The following TSPAN19 variants were observed in gnomAD, a reference collection of about 807,000 sequenced individuals.
TSPAN19 encodes the protein tetraspanin-19.
Under a neutral mutation model 35.1 loss-of-function variants are expected in TSPAN19, and 44 were observed. That is an observed-to-expected ratio of 1.25 (90% CI 0.98 to 1.61). The LOEUF is 1.61. Among genes scored for constraint, TSPAN19 ranks in the 40% most tolerant of loss-of-function variants. The pLI is 0.00. For missense variants in TSPAN19, 290 were observed against 280.0 expected (o/e 1.04, Z -0.26); for synonymous variants, 79 against 92.0 (o/e 0.86, Z 0.81).
intron 1 of TSPAN19, among the ~76,000 whole-genome samples, chr12:85,031,646 C>A (rs149208305): frequency 6.6e-6 from 1 of 152,096 alleles, no homozygotes; most frequent in Non-Finnish European, 1.5e-5. Context: ...TCTAGAAAAT[C>A]ATGTTAGAAA....
chr12:85,035,152 G>A (rs991544546), intron 1 of TSPAN19: 3 of 152,028 alleles, frequency 2.0e-5, no homozygotes, highest in African/African-American at 7.2e-5. Flanking sequence ...CAGTGCTTTG[G>A]GAGGCCAAGG....
chr12:85,022,796 G>T (rs1877194619), intron 5 of TSPAN19, among the ~76,000 whole-genome samples: 1 of 152,036 alleles, frequency 6.6e-6, no homozygotes, highest in Non-Finnish European at 1.5e-5. Context: ...TTGATCAAAA[G>T]TTTTTTCAGG....
At chr12:85,026,189 T>C (rs1189123357) in intron 4 of TSPAN19, among the ~76,000 whole-genome samples, 1 of 152,110 alleles carries the variant, frequency 6.6e-6, no homozygotes, top group Non-Finnish European at 1.5e-5. Flanking sequence ...GCCCACTACA[T>C]TGTATAAGTA....
intron 4 of TSPAN19, 55 bp from the exon 5 acceptor site, chr12:85,023,455 T>C (rs544768551): frequency 1.4e-5 from 19 of 1,375,258 alleles, no homozygotes; most frequent in Admixed American, 1.0e-4. Flanking sequence ...ATGTTTTGTA[T>C]GCTCAAATAA....
chr12:85,031,685 T>C (rs1877691239), intron 1 of TSPAN19, among the ~76,000 whole-genome samples: 2 of 152,174 alleles, frequency 1.3e-5, no homozygotes, highest in Non-Finnish European at 2.9e-5. Flanking sequence ...CTGTTCAACA[T>C]GTGGCTTCCA....
In TSPAN19 at chr12:85,030,111, A is replaced by T. The variant is rs546109780; in HGVS notation, c.-27-138T>A. The T allele has an allele frequency of 9.7e-5, 67 of 689,162 alleles. No homozygotes were observed. The East Asian group carries it at 2.5e-3, about 26-fold the overall frequency. The allele number at this position is 689,162 out of a possible 1,614,324, so 42.7% of individuals were successfully genotyped here. A position where few individuals can be genotyped will look rare whatever the true frequency, so the allele number is the denominator to read the frequency against. ...CATACTTCCATCTCTAAATGAAAGG[A>T]TTTATTGAAGGTATCTTGAAACTGT... On this transcript the variant is annotated intron_variant, in intron 1 of 8. Transcript: ENST00000532498.
chr12:85,014,337 T>G lies in TSPAN19; in HGVS notation c.*150A>C. The stretch of plus-strand genomic sequence containing the variant: ...TAATATAATTTCATGAATGTTTTAT[T>G]ATAGTATTCAGTAATTCAATATTAC... On this transcript the variant is annotated 3_prime_UTR_variant, in exon 9 of 9. Coordinates refer to ENST00000532498, the MANE Select transcript of TSPAN19 (RefSeq NM_001100917.2). The G allele has an allele frequency of 1.7e-4, 89 of 522,722 alleles. No individual in the cohort carries two copies. The highest frequency in any genetic ancestry group is 1.4e-5 in the Non-Finnish European group (4 of 296,224). The allele number at this position is 522,722 out of a possible 1,614,324, so 32.4% of individuals were successfully genotyped here. A position where few individuals can be genotyped will look rare whatever the true frequency, so the allele number is the denominator to read the frequency against.
At chr12:85,025,181 G>C (rs1877338886) in intron 4 of TSPAN19, among the ~76,000 whole-genome samples, 1 of 151,624 alleles carries the variant, frequency 6.6e-6, no homozygotes, top group Non-Finnish European at 1.5e-5. Context: ...TGTGGCCCAG[G>C]CTGGAGTGCA....
intron 8 of TSPAN19, chr12:85,015,154 T>A (rs1398917606): frequency 6.6e-6 from 1 of 151,928 alleles, no homozygotes; most frequent in Non-Finnish European, 1.5e-5. Context: ...CTATACAAAG[T>A]CAAATGCAGT....
At chr12:85,035,747 G>T (rs1254161351) in intron 1 of TSPAN19, among the ~76,000 whole-genome samples, 1 of 151,924 alleles carries the variant, frequency 6.6e-6, no homozygotes, top group Non-Finnish European at 1.5e-5. Context: ...AATAAATTAA[G>T]TTAAAATTAA....
intron 4 of TSPAN19, among the ~76,000 whole-genome samples, chr12:85,025,436 G>A (rs189141042): frequency 5.9e-5 from 9 of 152,018 alleles, no homozygotes; most frequent in East Asian, 3.9e-4. Context: ...CACCACACCC[G>A]GCATATGAAA....
chr12:85,023,237 T>C, intron 5 of TSPAN19, 89 bp downstream of exon 5: 2 of 1,107,930 alleles, frequency 1.8e-6, no homozygotes, highest in Middle Eastern at 2.2e-4. Context: ...GCTTTTAATA[T>C]AGGATCAATG....
chr12:85,033,766 C>T (rs2135821434), intron 1 of TSPAN19, among the ~76,000 whole-genome samples: 1 of 152,226 alleles, frequency 6.6e-6, no homozygotes, highest in South Asian at 2.1e-4. Context: ...ACCACCCTCT[C>T]AATAACTTTC....
chr12:85,027,063 T>C (rs1041905985), intron 4 of TSPAN19, among the ~76,000 whole-genome samples: 4 of 152,168 alleles, frequency 2.6e-5, no homozygotes, highest in African/African-American at 4.8e-5. Flanking sequence ...AGTGTGTGAA[T>C]TGTGATCCAT....
At chr12:85,034,596 A>C (rs13377881) in intron 1 of TSPAN19, among the ~76,000 whole-genome samples, 6 of 152,086 alleles carry the variant, frequency 3.9e-5, no homozygotes, top group African/African-American at 1.4e-4. Context: ...GCAAACCAAC[A>C]TACTCAATCT....
intron 6 of TSPAN19, 74 bp downstream of exon 6, chr12:85,019,552 G>A (rs1482040466): frequency 6.4e-6 from 6 of 934,132 alleles, no homozygotes; most frequent in Admixed American, 2.0e-5. Flanking sequence ...CCCATCCCCT[G>A]CCCTGACCTA....
At chr12:85,034,146 G>C (rs897168774) in intron 1 of TSPAN19, among the ~76,000 whole-genome samples, 1 of 152,048 alleles carries the variant, frequency 6.6e-6, no homozygotes, top group Non-Finnish European at 1.5e-5. Context: ...AGAGGCCTAA[G>C]AATACAATAT....
chr12:85,022,763 T>G (rs894384277), intron 5 of TSPAN19, among the ~76,000 whole-genome samples: 12 of 152,106 alleles, frequency 7.9e-5, no homozygotes, highest in African/African-American at 2.4e-4. Flanking sequence ...AAAGTAACTG[T>G]AGGTTGTAAT....
At chr12:85,024,842 G>A (rs1362036957) in intron 4 of TSPAN19, 1 of 151,134 alleles carries the variant, frequency 6.6e-6, no homozygotes, top group Non-Finnish European at 1.5e-5. Flanking sequence ...ATATTTACTA[G>A]GCAAAATATA....
Sources: gnomAD v4.1 joint callset for allele counts (sites outside exome capture counted in the v4.1 genomes callset) on GRCh38, gnomAD v4.1.1 for gene constraint, MANE v1.5 for transcripts, NCBI Gene and HGNC (gene_info 2026-07-23, HGNC 2026-07-21) for gene names.